NPAS2: variants seen among roughly 807,000 people sequenced by gnomAD.
The protein encoded by NPAS2 is neuronal PAS domain-containing protein 2.
Under a neutral mutation model 107.5 loss-of-function variants are expected in NPAS2, and 23 were observed. The observed-to-expected ratio is 0.21, with a 90% CI of 0.15 to 0.30. The LOEUF is 0.30. NPAS2 is among the 10% of genes least tolerant of loss of function. The pLI is 1.00. For synonymous variants in NPAS2, 403 were observed against 417.5 expected, an observed-to-expected ratio of 0.97 and a Z score of 0.42; for missense variants, 756 against 1,043.3, an observed-to-expected ratio of 0.72 and a Z score of 3.79.
intron 1 of NPAS2, among the ~76,000 whole-genome samples, chr2:100,886,772 A>G (rs546104349): frequency 2.4e-4 from 37 of 152,202 alleles, no homozygotes; most frequent in Non-Finnish European, 4.8e-4. Flanking sequence ...AGATGAATTC[A>G]TGAACAAAGG....
chr2:100,937,002 C>G (rs543376603), intron 4 of NPAS2, among the ~76,000 whole-genome samples: 130 of 134,992 alleles, frequency 9.6e-4, no homozygotes, highest in African/African-American at 3.4e-3. Flanking sequence ...AAAAAAAAAA[C>G]CATGAGCAAA....
intron 7 of NPAS2, among the ~76,000 whole-genome samples, chr2:100,954,664 C>CAAAAAAAAAAAAAAAAAAAAAAAAAAAAA: frequency 1.2e-5 from 1 of 81,386 alleles, no homozygotes; most frequent in Non-Finnish European, 2.6e-5. Context: ...AACTGTGTCT[C>CAAAAAAAAAAAAAAAAAAAAAAAAAAAAA]AAAAAAAAAA....
chr2:100,986,024 A>G (rs1677756064), intron 16 of NPAS2: 1 of 152,246 alleles, frequency 6.6e-6, no homozygotes, highest in Admixed American at 6.5e-5. Flanking sequence ...GTGATGAAGT[A>G]TAGGTTGCCC....
chr2:100,879,350 A>T (rs910709684), intron 1 of NPAS2, among the ~76,000 whole-genome samples: 16 of 152,204 alleles, frequency 1.1e-4, no homozygotes, highest in Non-Finnish European at 2.1e-4. Context: ...TTGTGTGACA[A>T]GAGGAGCTAA....
chr2:100,948,688 C>T (rs905336413), intron 6 of NPAS2, among the ~76,000 whole-genome samples: 3 of 152,098 alleles, frequency 2.0e-5, no homozygotes, highest in African/African-American at 7.2e-5. Context: ...ATCAGCTCAT[C>T]ATGGAGGATA....
intron 14 of NPAS2, chr2:100,977,242 A>T (rs1264165925): frequency 5.3e-6 from 1 of 189,718 alleles, no homozygotes; most frequent in African/African-American, 2.3e-5. Flanking sequence ...GAGTTCATGG[A>T]CAAACATGCA....
rs138945999 is a variant in NPAS2, at chr2:100,827,739, A to G, written c.-23+7325A>G. Among the ~76,000 whole-genome samples, 36 of 152,304 alleles carry G rather than the reference A, an allele frequency of 2.4e-4. No homozygotes were observed. In the East Asian group the frequency reaches 6.9e-3, roughly 29 times the overall value. Reference sequence around the variant, plus strand: ...GGCTTCATTCTTTTTATGGCTGCATAGTATTCCATAGTATATATGTAACAC... The same window carrying G: ...GGCTTCATTCTTTTTATGGCTGCATGGTATTCCATAGTATATATGTAACAC... On this transcript the variant is annotated intron_variant, in intron 1 of 20. Transcript: ENST00000335681.
At position 100,966,585 on chromosome 2, in the gene NPAS2, C is replaced by CT. The variant is rs765292891; in HGVS notation, c.907+841dup. 7.6e-3 allele frequency among the ~76,000 whole-genome samples: 914 copies of CT among 120,322 alleles called. 6 individuals carry two copies. The highest frequency in any genetic ancestry group is 0.013 in the African/African-American group (391 of 30,376). The allele number at this position is 120,322 out of a possible 152,430, so 78.9% of individuals were successfully genotyped here. ...GCCTCACCTGTAGTACCCATTAGAA[C>CT]TTTTTTTTTTTTTTTTTTTTTTGAG... On this transcript the variant is annotated intron_variant, in intron 10 of 20. Coordinates refer to ENST00000335681, the MANE Select transcript of NPAS2 (RefSeq NM_002518.4).
intron 1 of NPAS2, among the ~76,000 whole-genome samples, chr2:100,824,809 C>G (rs1676275066): frequency 6.6e-6 from 1 of 152,196 alleles, no homozygotes; most frequent in Non-Finnish European, 1.5e-5. Context: ...GATTTCTCTG[C>G]TACCATTTGC....
At chr2:100,851,392 AC>A (rs1325915741) in intron 1 of NPAS2, among the ~76,000 whole-genome samples, 2 of 152,252 alleles carry the variant, frequency 1.3e-5, no homozygotes, top group African/African-American at 4.8e-5. Context: ...TGGCATGAGC[AC>A]AGGGAAAGCC....
At chr2:100,955,727 G>A (rs1201942244) in intron 7 of NPAS2, among the ~76,000 whole-genome samples, 1 of 152,044 alleles carries the variant, frequency 6.6e-6, no homozygotes, top group Non-Finnish European at 1.5e-5. Context: ...GTTCGTCTGT[G>A]GGCTCTGTGC....
At chr2:100,821,948 T>C (rs937712281) in intron 1 of NPAS2, among the ~76,000 whole-genome samples, 6 of 152,270 alleles carry the variant, frequency 3.9e-5, no homozygotes, top group Non-Finnish European at 1.5e-5. Flanking sequence ...TCTACTTAAA[T>C]ATTTAGTTAA....
intron 6 of NPAS2, among the ~76,000 whole-genome samples, chr2:100,948,625 T>C (rs77601115): frequency 1.2e-4 from 4 of 34,532 alleles, no homozygotes; most frequent in Non-Finnish European, 2.5e-4. Flanking sequence ...AGATTTCTCT[T>C]TTTTTTTGCA....
chr2:100,983,930 G>GTA (rs1383148081), intron 16 of NPAS2: 3 of 152,236 alleles, frequency 2.0e-5, no homozygotes, highest in African/African-American at 7.2e-5. Context: ...TGAGGTAGGC[G>GTA]TATGAACATC....
At chr2:100,857,978 A>G (rs1262026296) in intron 1 of NPAS2, among the ~76,000 whole-genome samples, 3 of 152,252 alleles carry the variant, frequency 2.0e-5, no homozygotes, top group Admixed American at 6.5e-5. Context: ...CTGGTTGTAA[A>G]ACATCCTTTA....
At chr2:100,892,264 C>T (rs72627427) in intron 1 of NPAS2, among the ~76,000 whole-genome samples, 10,284 of 152,126 alleles carry the variant, frequency 0.068, 763 homozygotes, top group East Asian at 0.35. Context: ...AACGATGTTA[C>T]GGTACATTTA....
chr2:100,877,201 T>C (rs1680025003), intron 1 of NPAS2, among the ~76,000 whole-genome samples: 2 of 152,124 alleles, frequency 1.3e-5, no homozygotes, highest in South Asian at 2.1e-4. Flanking sequence ...CGCAGTGGCT[T>C]ATGCCTGTAA....
chr2:100,839,117 C>T (rs1677241686), intron 1 of NPAS2, among the ~76,000 whole-genome samples: 1 of 151,938 alleles, frequency 6.6e-6, no homozygotes, highest in African/African-American at 2.4e-5. Context: ...AGGATGAAGA[C>T]TTGTTTTGTT....
chr2:100,971,503 T>C (rs1676560370), intron 12 of NPAS2, among the ~76,000 whole-genome samples: 1 of 152,116 alleles, frequency 6.6e-6, no homozygotes, highest in South Asian at 2.1e-4. Flanking sequence ...CTTCCTTTGC[T>C]TGAGGGCCGT....
Sources: gnomAD v4.1 joint callset for allele counts (sites outside exome capture counted in the v4.1 genomes callset) on GRCh38, gnomAD v4.1.1 for gene constraint, MANE v1.5 for transcripts, NCBI Gene and HGNC (gene_info 2026-07-23, HGNC 2026-07-21) for gene names.